UGGT2: variants seen among roughly 807,000 people sequenced by gnomAD.
The protein encoded by UGGT2 is UDP-glucose:glycoprotein glucosyltransferase 2.
A neutral mutation model predicts 192.1 loss-of-function variants in UGGT2; 180 were observed. The observed-to-expected ratio is 0.94, with a 90% CI of 0.83 to 1.06. UGGT2 has a LOEUF of 1.06. Ranked by LOEUF, UGGT2 falls within the 50% of genes least tolerant of loss-of-function variation. The pLI is 0.00. For missense variants in UGGT2, 1,849 were observed against 1,795.7 expected (o/e 1.03, Z -0.54); for synonymous variants, 580 against 591.0 (o/e 0.98, Z 0.27).
At chr13:95,893,481 T>A (rs987937459) in intron 24 of UGGT2, among the ~76,000 whole-genome samples, 4 of 152,156 alleles carry the variant, frequency 2.6e-5, no homozygotes, top group Non-Finnish European at 5.9e-5. Flanking sequence ...TAAATTCAAA[T>A]GTAAAGTGAC....
intron 20 of UGGT2, among the ~76,000 whole-genome samples, chr13:95,903,863 G>C (rs906394829): frequency 2.0e-5 from 3 of 152,122 alleles, no homozygotes; most frequent in African/African-American, 7.2e-5. Context: ...CACAGCCTAA[G>C]AAACACTTTG....
chr13:96,037,390 G>C (rs1012603405), intron 1 of UGGT2, among the ~76,000 whole-genome samples: 16 of 152,282 alleles, frequency 1.1e-4, no homozygotes, highest in Non-Finnish European at 1.6e-4. Flanking sequence ...GTAGAGACAG[G>C]GTTTCACCAT....
chr13:95,831,617 T>G (rs1886697909), intron 38 of UGGT2, among the ~76,000 whole-genome samples: 1 of 152,096 alleles, frequency 6.6e-6, no homozygotes, highest in East Asian at 1.9e-4. Context: ...TTTGTTGAAG[T>G]GAATTGCTGG....
chr13:95,940,950 A>G (rs2049658549), intron 15 of UGGT2, among the ~76,000 whole-genome samples: 1 of 152,148 alleles, frequency 6.6e-6, no homozygotes, highest in South Asian at 2.1e-4. Flanking sequence ...CCCAGTCTCA[A>G]ATATTCTAAA....
intron 29 of UGGT2, among the ~76,000 whole-genome samples, chr13:95,870,093 T>C (rs1891091192): frequency 6.6e-6 from 1 of 152,234 alleles, no homozygotes; most frequent in Non-Finnish European, 1.5e-5. Context: ...TGTTATTCAA[T>C]ACTTAGGAAA....
In UGGT2 at chr13:95,801,726, G is replaced by A. The variant is rs539721942; in HGVS notation, c.*64C>T. On this transcript the variant is annotated 3_prime_UTR_variant, in exon 39 of 39. Coordinates refer to ENST00000376747, the MANE Select transcript of UGGT2 (RefSeq NM_020121.4). ...CCAAATCGTCTCAGCAGGGGCTCCA[G>A]ACTTCCCCAGCAGGCGGCAGGTTTC... 6 of 1,578,678 alleles carry A rather than the reference G, an allele frequency of 3.8e-6. No homozygotes were observed. The highest frequency in any genetic ancestry group is 3.4e-5 in the South Asian group (3 of 87,056).
intron 29 of UGGT2, among the ~76,000 whole-genome samples, chr13:95,868,430 CA>C (rs1185164622): frequency 6.6e-6 from 1 of 151,924 alleles, no homozygotes; most frequent in East Asian, 1.9e-4. Context: ...CTCGTCTCTG[CA>C]AAAAATTTTT....
intron 5 of UGGT2, among the ~76,000 whole-genome samples, chr13:96,012,525 A>T (rs1280733742): frequency 6.6e-6 from 1 of 152,084 alleles, no homozygotes; most frequent in Non-Finnish European, 1.5e-5. Context: ...TATATTAAAA[A>T]CACCTATAAA....
intron 35 of UGGT2, 56 bp downstream of exon 35, chr13:95,854,259 G>A: frequency 6.6e-7 from 1 of 1,516,292 alleles, no homozygotes; most frequent in East Asian, 2.3e-5. Flanking sequence ...AAAACTGAAA[G>A]TTGCAATTCA....
At chr13:95,852,285 C>T (rs897140681) in intron 36 of UGGT2, among the ~76,000 whole-genome samples, 7 of 152,262 alleles carry the variant, frequency 4.6e-5, no homozygotes, top group Middle Eastern at 3.4e-3. Flanking sequence ...ATTCCTCAAA[C>T]ATGGAAGGCC....
intron 4 of UGGT2, among the ~76,000 whole-genome samples, chr13:96,019,421 A>G (rs1594585452): frequency 1.3e-5 from 2 of 152,174 alleles, no homozygotes; most frequent in African/African-American, 2.4e-5. Context: ...TCATTTAATA[A>G]CAAGCAGTAA....
chr13:95,838,214 GAA>G (rs1323172599), intron 36 of UGGT2, among the ~76,000 whole-genome samples: 1 of 152,014 alleles, frequency 6.6e-6, no homozygotes, highest in Non-Finnish European at 1.5e-5. Context: ...CATTAGCACC[GAA>G]AAAGAGAAAT....
In UGGT2 at chr13:95,902,896, T is replaced by C. The variant is rs1181787379; in HGVS notation, c.2460A>G (p.Thr820=). The change falls in exon 21 of 39, where the codon ACA becomes ACG. Residue 820 remains threonine, a synonymous_variant. Coordinates refer to ENST00000376747, the MANE Select transcript of UGGT2 (RefSeq NM_020121.4). ...TAATTTTATCTCCAGAGTAAATAGC[T>C]GTAGCAATTTCTTCCTTTGCCAGTT... is the stretch of plus-strand genomic sequence containing the variant. ...LGQLAKEEIA[T]AIYSGDKIKT... 1.9e-6 allele frequency: 3 copies of C among 1,613,400 alleles called. No individual in the cohort carries two copies. The highest frequency in any genetic ancestry group is 2.5e-6 in the Non-Finnish European group (3 of 1,179,628).
At position 95,993,064 on chromosome 13, in the gene UGGT2, T is replaced by G. The variant is rs114925839; in HGVS notation, c.831-2991A>C. Among the ~76,000 whole-genome samples, 1,194 of 152,324 alleles carry G rather than the reference T, an allele frequency of 7.8e-3. 19 individuals are homozygous for G. Among genetic ancestry groups the G allele is most frequent in the African/African-American group, 0.027 (1,128 of 41,564 alleles). On this transcript the variant is annotated intron_variant, in intron 7 of 38. Coordinates refer to ENST00000376747, the MANE Select transcript of UGGT2 (RefSeq NM_020121.4). ...CTGGAAAAAGACAATGGGATACATA[T>G]ACCACCATGGAAAATCCTGCCCTTT...
chr13:95,953,511 TTGAG>T (rs1297387367), intron 12 of UGGT2, among the ~76,000 whole-genome samples: 8 of 152,202 alleles, frequency 5.3e-5, no homozygotes, highest in African/African-American at 1.7e-4. Flanking sequence ...GAACACATTA[TTGAG>T]TAAGATCATA....
chr13:96,043,459 T>TA (rs2053221861), intron 1 of UGGT2, among the ~76,000 whole-genome samples: 1 of 151,536 alleles, frequency 6.6e-6, no homozygotes, highest in Non-Finnish European at 1.5e-5. Context: ...AAAATACAAT[T>TA]AAAAAAACAA....
chr13:95,905,569 C>A (rs546486547), intron 20 of UGGT2, among the ~76,000 whole-genome samples: 1 of 151,698 alleles, frequency 6.6e-6, no homozygotes, highest in African/African-American at 2.4e-5. Context: ...TTCCCCATTG[C>A]TTGTTTTTCT....
intron 30 of UGGT2, among the ~76,000 whole-genome samples, chr13:95,866,259 T>C (rs2140108231): frequency 6.6e-6 from 1 of 152,300 alleles, no homozygotes; most frequent in South Asian, 2.1e-4. Flanking sequence ...TTCCCAGCAA[T>C]TATTTTTAAA....
intron 20 of UGGT2, among the ~76,000 whole-genome samples, chr13:95,914,752 G>A (rs900310567): frequency 3.3e-5 from 5 of 151,608 alleles, no homozygotes; most frequent in Non-Finnish European, 5.9e-5. Flanking sequence ...GCAGTGAGCC[G>A]AGACTGCATC....
Sources: allele counts gnomAD v4.1 joint callset (sites outside exome capture counted in the v4.1 genomes callset), GRCh38; gene constraint gnomAD v4.1.1; transcripts MANE v1.5; gene names NCBI Gene and HGNC (gene_info 2026-07-23, HGNC 2026-07-21).